DYM: variants seen among roughly 807,000 people sequenced by gnomAD.
The protein encoded by DYM is dymeclin.
DYM carries 78 observed loss-of-function variants against 93.1 expected under a neutral mutation model. That is an observed-to-expected ratio of 0.84 (90% CI 0.70 to 1.01). The LOEUF is 1.01. DYM is among the 50% of genes least tolerant of loss of function. DYM has a pLI of 0.00. For synonymous variants in DYM, 321 were observed against 319.7 expected, an observed-to-expected ratio of 1.00 and a Z score of -0.04; for missense variants, 789 against 845.0, an observed-to-expected ratio of 0.93 and a Z score of 0.82.
intron 11 of DYM, among the ~76,000 whole-genome samples, chr18:49,271,403 C>T (rs940306529): frequency 1.4e-4 from 22 of 152,076 alleles, no homozygotes; most frequent in East Asian, 1.3e-3. Flanking sequence ...TGCCGACAAG[C>T]GTGCTGGGAA....
chr18:49,302,607 G>A (rs2061002836), intron 8 of DYM, among the ~76,000 whole-genome samples: 1 of 152,162 alleles, frequency 6.6e-6, no homozygotes, highest in Admixed American at 6.5e-5. Flanking sequence ...GTTGAAGGCG[G>A]AGGTGGGGGG....
intron 5 of DYM, among the ~76,000 whole-genome samples, chr18:49,368,095 A>G (rs962139894): frequency 2.0e-5 from 3 of 152,218 alleles, no homozygotes; most frequent in African/African-American, 7.2e-5. Context: ...TCTGCATTTC[A>G]GTGCACTACA....
intron 15 of DYM, among the ~76,000 whole-genome samples, chr18:49,145,569 CTA>C (rs2085034272): frequency 6.6e-6 from 1 of 152,016 alleles, no homozygotes; most frequent in Non-Finnish European, 1.5e-5. Context: ...ACAATTTTTT[CTA>C]TAGTTTGTCC....
At chr18:49,107,126 A>G (rs1280897955) in intron 16 of DYM, among the ~76,000 whole-genome samples, 1 of 150,772 alleles carries the variant, frequency 6.6e-6, no homozygotes, top group East Asian at 1.9e-4. Context: ...TTTTTCTCTA[A>G]ACTTCTCTTC....
At chr18:49,232,432 TAGCTAGGACTAC>T (rs1164358013) in intron 13 of DYM, among the ~76,000 whole-genome samples, 1 of 146,736 alleles carries the variant, frequency 6.8e-6, no homozygotes, top group Non-Finnish European at 1.5e-5. Context: ...GCCTCCCGAG[TAGCTAGGACTAC>T]AGGCACCCAC....
intron 16 of DYM, among the ~76,000 whole-genome samples, chr18:49,105,276 C>T (rs357880): frequency 0.67 from 102,553 of 151,948 alleles, 37,971 homozygotes; most frequent in Non-Finnish European, 0.83. Context: ...TTTTTTATTG[C>T]GTCTATTTGA....
At chr18:49,240,610 T>C (rs1398754169) in intron 13 of DYM, among the ~76,000 whole-genome samples, 1 of 152,188 alleles carries the variant, frequency 6.6e-6, no homozygotes, top group African/African-American at 2.4e-5. Flanking sequence ...ATGCCAAATA[T>C]AAGTTTTTCG....
chr18:49,296,262 A>C lies in DYM; in HGVS notation c.764-9646T>G, dbSNP rs2146067798. ...AGCTAGAAGCATTCATATGGAAAAA[A>C]ATATTTGTCTGATGATCAGTTAATT... On this transcript the variant is annotated intron_variant, in intron 8 of 17. Transcript: ENST00000675505. Among the ~76,000 whole-genome samples the C allele has an allele frequency of 2.0e-5, 3 of 152,280 alleles. No individual in the cohort carries two copies. The South Asian group carries it at 6.2e-4, about 32-fold the overall frequency.
At chr18:49,344,909 T>C (rs554901980) in intron 6 of DYM, among the ~76,000 whole-genome samples, 2 of 152,214 alleles carry the variant, frequency 1.3e-5, no homozygotes, top group East Asian at 3.8e-4. Flanking sequence ...AAATATGTTA[T>C]ACATTAAATT....
intron 5 of DYM, among the ~76,000 whole-genome samples, chr18:49,374,023 T>C (rs2067268804): frequency 6.6e-6 from 1 of 152,198 alleles, no homozygotes; most frequent in Non-Finnish European, 1.5e-5. Flanking sequence ...AGAAGGCTAA[T>C]GATCAAAATA....
At chr18:49,224,511 G>T (rs1029249032) in intron 13 of DYM, among the ~76,000 whole-genome samples, 2 of 152,002 alleles carry the variant, frequency 1.3e-5, no homozygotes, top group Non-Finnish European at 2.9e-5. Flanking sequence ...AGCCCCCAAG[G>T]TGATGGTATT....
At chr18:49,242,035 C>T (rs1183349668) in intron 13 of DYM, among the ~76,000 whole-genome samples, 1 of 152,196 alleles carries the variant, frequency 6.6e-6, no homozygotes, top group Non-Finnish European at 1.5e-5. Context: ...AAAGATGAGT[C>T]AGACAGGCTG....
chr18:49,442,791 C>T (rs1201041404), intron 1 of DYM, among the ~76,000 whole-genome samples: 1 of 151,978 alleles, frequency 6.6e-6, no homozygotes, highest in African/African-American at 2.4e-5. Flanking sequence ...TTCTCATTGC[C>T]TAAATCATAA....
At chr18:49,426,773 GTGTGTGT>G (rs2074338519) in intron 2 of DYM, among the ~76,000 whole-genome samples, 1 of 150,998 alleles carries the variant, frequency 6.6e-6, no homozygotes, top group Non-Finnish European at 1.5e-5. Flanking sequence ...GTGTGTGTGT[GTGTGTGT>G]GTGTGTGTGT....
chr18:49,331,928 G>C lies in DYM; in HGVS notation c.699C>G (p.Ala233=), dbSNP rs1028720921. The C allele has an allele frequency of 6.2e-7, 1 of 1,613,986 alleles. No individual in the cohort carries two copies. The highest frequency in any genetic ancestry group is 8.5e-7 in the Non-Finnish European group (1 of 1,179,974). Reference sequence around the variant, plus strand: ...CATCCGACTGCTGAGGGAAAACATGGGCCCCTGGAGGAGGTGGCTTTTCTT... The same window carrying C: ...CATCCGACTGCTGAGGGAAAACATGCGCCCCTGGAGGAGGTGGCTTTTCTT... ...IRQEKPPPPG[A]HVFPQQSDGG... Residue 233 remains alanine, a synonymous_variant, in exon 8 of 18, where the codon GCC becomes GCG. Transcript: ENST00000675505.
chr18:49,174,246 G>A (rs202218276), intron 14 of DYM, among the ~76,000 whole-genome samples: 3 of 144,056 alleles, frequency 2.1e-5, no homozygotes, highest in Non-Finnish European at 4.6e-5. Flanking sequence ...AGATAAGAAT[G>A]ATGGCAGCTA....
chr18:49,130,185 C>T (rs780008250), intron 15 of DYM, among the ~76,000 whole-genome samples: 1 of 152,190 alleles, frequency 6.6e-6, no homozygotes, highest in Non-Finnish European at 1.5e-5. Context: ...TCCAGCCCTA[C>T]TGCTGGGACT....
intron 8 of DYM, among the ~76,000 whole-genome samples, chr18:49,289,847 G>C (rs374598931): frequency 1.4e-5 from 2 of 138,846 alleles, no homozygotes; most frequent in Admixed American, 1.5e-4. Context: ...AACGGACAAC[G>C]GAAGTCTAAA....
At chr18:49,247,846 C>T (rs944155263) in intron 13 of DYM, among the ~76,000 whole-genome samples, 2 of 152,184 alleles carry the variant, frequency 1.3e-5, no homozygotes, top group Non-Finnish European at 2.9e-5. Flanking sequence ...TAAATGTTCT[C>T]AATGTAACTC....
Sources: allele counts gnomAD v4.1 joint callset (sites outside exome capture counted in the v4.1 genomes callset), GRCh38; gene constraint gnomAD v4.1.1; transcripts MANE v1.5; gene names NCBI Gene and HGNC (gene_info 2026-07-23, HGNC 2026-07-21).